Variants in TRAK1 observed in about 807,000 individuals in gnomAD.
TRAK1 encodes the protein trafficking kinesin-binding protein 1.
TRAK1 carries 33 observed loss-of-function variants against 92.1 expected under a neutral mutation model. The ratio of observed to expected loss-of-function variants is 0.36; its 90% confidence interval spans 0.27 to 0.48. The LOEUF (loss-of-function observed/expected upper bound fraction) is 0.48. Among genes scored for constraint, TRAK1 ranks in the 20% least tolerant of loss-of-function variants. The pLI is 0.99. For missense variants in TRAK1, 1,123 were observed against 1,257.9 expected (o/e 0.89, Z 1.62); for synonymous variants, 521 against 517.3 (o/e 1.01, Z -0.10).
In TRAK1 at chr3:42,026,887, G is replaced by A. The variant is rs1272108971; in HGVS notation, c.-519+12770G>A. Among the ~76,000 whole-genome samples the A allele has an allele frequency of 5.3e-5, 8 of 151,996 alleles. No individual in the cohort carries two copies. In the South Asian group the frequency reaches 1.7e-3, roughly 32 times the overall value. On this transcript the variant is annotated intron_variant, in intron 1 of 16. Transcript: ENST00000487159. ...CCCTCCTTCTCCCCTCATATTTATAGTAACCCATGTCTTAGCTTGGAGTTA... is the reference window on the plus strand; with the variant it reads ...CCCTCCTTCTCCCCTCATATTTATAATAACCCATGTCTTAGCTTGGAGTTA...
Position 42,209,906 on chromosome 3 carries a change from TGAA to T in TRAK1, c.1890_1892del (p.Glu630del). 6.2e-7 allele frequency: 1 copy of T among 1,614,138 alleles called. No homozygotes were observed. The highest frequency in any genetic ancestry group is 8.5e-7 in the Non-Finnish European group (1 of 1,180,030). On this transcript the variant is annotated inframe_deletion, in exon 14 of 16. Coordinates refer to ENST00000327628, the MANE Select transcript of TRAK1 (RefSeq NM_001042646.3). The stretch of plus-strand genomic sequence containing the variant: ...ACGAAGTGTACTGCCTTAACGACTT[TGAA>T]GAAGATGACACAGGTGACCACATTT...
chr3:42,161,156 A>G (rs1000115884), intron 2 of TRAK1, among the ~76,000 whole-genome samples: 4 of 152,206 alleles, frequency 2.6e-5, no homozygotes, highest in African/African-American at 9.7e-5. Flanking sequence ...TTGCAGGGAA[A>G]AGGGAGGATG....
chr3:42,054,238 A>G (rs1405205080), intron 1 of TRAK1, among the ~76,000 whole-genome samples: 1 of 152,196 alleles, frequency 6.6e-6, no homozygotes, highest in Non-Finnish European at 1.5e-5. Flanking sequence ...CATAATCAAT[A>G]AATACTTTTG....
chr3:42,164,758 C>T (rs1701663993), intron 2 of TRAK1, among the ~76,000 whole-genome samples: 1 of 152,174 alleles, frequency 6.6e-6, no homozygotes, highest in African/African-American at 2.4e-5. Context: ...AAATTGATCT[C>T]AGGTGCTTAG....
intron 1 of TRAK1, among the ~76,000 whole-genome samples, chr3:42,055,067 G>T (rs1336301282): frequency 6.6e-6 from 1 of 151,844 alleles, no homozygotes; most frequent in Admixed American, 6.6e-5. Flanking sequence ...TTACAGGCAT[G>T]TGCCATCATA....
chr3:42,061,693 G>C (rs1008077825), intron 1 of TRAK1, among the ~76,000 whole-genome samples: 2 of 152,096 alleles, frequency 1.3e-5, no homozygotes, highest in Admixed American at 1.3e-4. Context: ...ACTTTGGCTT[G>C]TGTTATGCTA....
Position 42,043,035 on chromosome 3 carries a change from G to A in TRAK1, c.-519+28918G>A, listed in dbSNP as rs181492947. 1.1e-3 allele frequency among the ~76,000 whole-genome samples: 171 copies of A among 152,216 alleles called. 1 individual carries two copies. The Middle Eastern group carries it at 0.014, about 12-fold the overall frequency. ...ATACTTTGGGAAGGATCCTTCTGTG[G>A]AGTTTGATCCTGGGGACTCTGACTT... On this transcript the variant is annotated intron_variant, in intron 1 of 16. Transcript: ENST00000487159.
At chr3:42,154,375 G>T (rs930476132) in intron 2 of TRAK1, among the ~76,000 whole-genome samples, 3 of 152,160 alleles carry the variant, frequency 2.0e-5, no homozygotes, top group African/African-American at 7.2e-5. Flanking sequence ...GTTTCACCAT[G>T]TTGGCCAGGC....
At chr3:42,174,735 A>AT (rs1190703734) in intron 2 of TRAK1, among the ~76,000 whole-genome samples, 1 of 148,886 alleles carries the variant, frequency 6.7e-6, no homozygotes, top group African/African-American at 2.5e-5. Context: ...TATATACAAA[A>AT]ATTTTTTTTT....
At chr3:42,134,434 T>C (rs1032815792) in intron 2 of TRAK1, among the ~76,000 whole-genome samples, 1 of 151,482 alleles carries the variant, frequency 6.6e-6, no homozygotes, top group African/African-American at 2.4e-5. Context: ...CATGCCACCA[T>C]GCCCAGCTAG....
upstream of TRAK1, among the ~76,000 whole-genome samples, chr3:42,084,780 A>G (rs1704595017): frequency 6.7e-6 from 1 of 149,546 alleles, no homozygotes; most frequent in Non-Finnish European, 1.5e-5. Context: ...GTCACTGACT[A>G]GGCGTGACAA....
intron 14 of TRAK1, chr3:42,217,604 T>C: frequency 6.1e-6 from 6 of 985,440 alleles, no homozygotes; most frequent in Non-Finnish European, 7.2e-6. Flanking sequence ...TCTGGCCATA[T>C]GTTTAAATGG....
intron 1 of TRAK1, among the ~76,000 whole-genome samples, chr3:42,033,471 C>G (rs1446750132): frequency 6.6e-6 from 1 of 152,134 alleles, no homozygotes; most frequent in Non-Finnish European, 1.5e-5. Flanking sequence ...CGCCTGTGGT[C>G]TTAGCTATTG....
chr3:42,082,261 C>A (rs17067881), upstream of TRAK1, among the ~76,000 whole-genome samples: 1 of 151,972 alleles, frequency 6.6e-6, no homozygotes, highest in Non-Finnish European at 1.5e-5. Context: ...GTAGTGAAAG[C>A]GAAAGTTATA....
At chr3:42,210,321 T>C in intron 14 of TRAK1, 2 of 1,503,114 alleles carry the variant, frequency 1.3e-6, no homozygotes. Flanking sequence ...CTCCTATTTG[T>C]AACAATGGGT....
intron 1 of TRAK1, among the ~76,000 whole-genome samples, chr3:42,114,421 C>T (rs962026172): frequency 1.3e-4 from 20 of 152,172 alleles, no homozygotes; most frequent in African/African-American, 4.3e-4. Flanking sequence ...AACTTTGTCA[C>T]GTGTACCGTA....
intron 2 of TRAK1, chr3:42,160,223 G>C: frequency 6.7e-7 from 1 of 1,481,712 alleles, no homozygotes; most frequent in South Asian, 1.5e-5. Flanking sequence ...GCTGAGCCAG[G>C]GCATGTCTGC....
intron 2 of TRAK1, among the ~76,000 whole-genome samples, chr3:42,130,951 A>G (rs1697114858): frequency 6.6e-6 from 1 of 152,094 alleles, no homozygotes; most frequent in South Asian, 2.1e-4. Context: ...GTGTCCATAA[A>G]GTAGAACCTA....
rs1260401166 is a variant in TRAK1, at chr3:42,225,783, T to C, written c.*2046T>C. 6.6e-6 allele frequency: 1 copy of C among 152,228 alleles called. No homozygotes were observed. The highest frequency in any genetic ancestry group is 1.5e-5 in the Non-Finnish European group (1 of 68,030). The allele number at this position is 152,228 out of a possible 1,614,324, so 9.4% of individuals were successfully genotyped here. On this transcript the variant is annotated 3_prime_UTR_variant, in exon 16 of 16. Coordinates refer to ENST00000327628, the MANE Select transcript of TRAK1 (RefSeq NM_001042646.3). ...TCAAATGATGGAAACCACACTGGTA[T>C]TCTGATTTGTATTTTGTTTTTATCT...
Sources: gnomAD v4.1 joint callset for allele counts (sites outside exome capture counted in the v4.1 genomes callset) on GRCh38, gnomAD v4.1.1 for gene constraint, MANE v1.5 for transcripts, NCBI Gene and HGNC (gene_info 2026-07-23, HGNC 2026-07-21) for gene names.